Variants in DIDO1 observed in about 807,000 individuals in gnomAD.
The protein encoded by DIDO1 is death-inducer obliterator 1.
DIDO1 carries 16 observed loss-of-function variants against 99.4 expected under a neutral mutation model. That is an observed-to-expected ratio of 0.16 (90% CI 0.11 to 0.24). DIDO1 has a LOEUF of 0.24. Among genes scored for constraint, DIDO1 ranks in the 10% least tolerant of loss-of-function variants. DIDO1 has a pLI of 1.00. For synonymous variants in DIDO1, 1,366 were observed against 1,239.1 expected (o/e 1.10, Z -2.15); for missense variants, 2,996 against 3,014.0 (o/e 0.99, Z 0.14).
At chr20:62,883,506 C>T (rs564306966) in intron 15 of DIDO1, among the ~76,000 whole-genome samples, 5 of 151,636 alleles carry the variant, frequency 3.3e-5, no homozygotes, top group East Asian at 4.0e-4. Context: ...GTCTGGCCAA[C>T]GTGGTGAAAC....
chr20:62,891,946 C>T (rs377222379), intron 14 of DIDO1, 41 bp downstream of exon 14: 2 of 1,555,214 alleles, frequency 1.3e-6, no homozygotes, highest in African/African-American at 1.4e-5. Flanking sequence ...TAAATCAACA[C>T]AATTTTCCAT....
rs1600965532 is a variant in DIDO1 at position 62,901,154 on chromosome 20, AG to A, written c.1589-4159del. On this transcript the variant is annotated intron_variant, in intron 6 of 15. Coordinates refer to ENST00000395343, the MANE Select transcript of DIDO1 (RefSeq NM_001193369.2). The stretch of plus-strand genomic sequence containing the variant: ...GGGGAAACAGTTACTTCCCAAATAC[AG>A]CAGGCAGACTACATCGCAGACGCTC... Among the ~76,000 whole-genome samples the A allele has an allele frequency of 2.6e-5, 4 of 152,350 alleles. No individual in the cohort carries two copies. The East Asian group carries it at 7.7e-4, about 29-fold the overall frequency.
intron 1 of DIDO1, among the ~76,000 whole-genome samples, chr20:62,937,015 A>G (rs1257881932): frequency 1.3e-5 from 2 of 152,260 alleles, no homozygotes; most frequent in Non-Finnish European, 2.9e-5. Context: ...TTAACGGAAA[A>G]TGTCCAAAAT....
At chr20:62,926,825 A>C (rs2147597294), upstream of DIDO1, among the ~76,000 whole-genome samples, 1 of 152,384 alleles carries the variant, frequency 6.6e-6, no homozygotes, top group East Asian at 1.9e-4. Context: ...GCACTCCGCC[A>C]GGATTTCGCT....
At chr20:62,899,272 C>T (rs1465858810) in intron 6 of DIDO1, among the ~76,000 whole-genome samples, 1 of 152,228 alleles carries the variant, frequency 6.6e-6, no homozygotes, top group African/African-American at 2.4e-5. Flanking sequence ...AAAAAGCTGG[C>T]TGAAAGCATT....
In DIDO1 at chr20:62,894,742, G is replaced by A; in HGVS notation, c.2436+68C>T. The A allele has an allele frequency of 6.6e-7, 1 of 1,525,664 alleles. No homozygotes were observed. The highest frequency in any genetic ancestry group is 1.2e-5 in the South Asian group (1 of 85,228). The allele number at this position is 1,525,664 out of a possible 1,614,324, so 94.5% of individuals were successfully genotyped here. A position where few individuals can be genotyped will look rare whatever the true frequency, so the allele number is the denominator to read the frequency against. On this transcript the variant is annotated intron_variant, in intron 10 of 15. Coordinates refer to ENST00000395343, the MANE Select transcript of DIDO1 (RefSeq NM_001193369.2). The surrounding 1 kb of genome is among the most constrained non-coding windows in gnomAD (Gnocchi z 4.4). ...GCTCAGGTCCTGCCCAATAATTTAA[G>A]ATAACCTCAAAACATTTGGGATGGA...
At chr20:62,889,037 G>A (rs921999653) in intron 15 of DIDO1, 15 of 985,348 alleles carry the variant, frequency 1.5e-5, no homozygotes, top group South Asian at 1.4e-4. Context: ...GTGTGTCCCC[G>A]TCAGGCGGCG....
chr20:62,933,147 G>A (rs2065347871), intron 1 of DIDO1, among the ~76,000 whole-genome samples: 1 of 152,208 alleles, frequency 6.6e-6, no homozygotes, highest in Admixed American at 6.5e-5. Flanking sequence ...GTAGGCGGAG[G>A]TTGCAGTGAG....
At chr20:62,892,214 T>C in intron 13 of DIDO1, 138 bp from the exon 14 acceptor site, 1 of 728,676 alleles carries the variant, frequency 1.4e-6, no homozygotes, top group Non-Finnish European at 2.2e-6. Context: ...ACACTTGTAT[T>C]AAATGCATTA....
intron 15 of DIDO1, among the ~76,000 whole-genome samples, 175 bp from the exon 16 acceptor site, chr20:62,882,589 C>T (rs1027488001): frequency 2.0e-5 from 3 of 152,186 alleles, no homozygotes; most frequent in African/African-American, 7.2e-5. Flanking sequence ...GATTCCGCCC[C>T]AGGAACGCAC....
At chr20:62,902,539 C>T (rs2064706842) in intron 6 of DIDO1, among the ~76,000 whole-genome samples, 2 of 152,188 alleles carry the variant, frequency 1.3e-5, no homozygotes, top group Admixed American at 1.3e-4. Flanking sequence ...TCCTGCAAAA[C>T]ACTCTTAGGT....
chr20:62,891,190 A>C (rs369901992), intron 14 of DIDO1, 35 bp from the exon 15 acceptor site: 1 of 1,611,874 alleles, frequency 6.2e-7, no homozygotes, highest in African/African-American at 1.3e-5. Context: ...TCATAAAGAA[A>C]ATGTGGCTCA....
At chr20:62,906,129 TA>T (rs2064798895) in intron 5 of DIDO1, 29 bp from the exon 6 acceptor site, 5 of 1,589,008 alleles carry the variant, frequency 3.1e-6, no homozygotes, top group Non-Finnish European at 3.4e-6. Context: ...CCCAAATCAT[TA>T]AAAAGGTAAG....
At position 62,916,899 on chromosome 20, in the gene DIDO1, G is replaced by T. The variant is rs1292446834; in HGVS notation, c.-199-2493C>A. ...CTTCTCCCTTTCTTTCATGAAAACT[G>T]ACTGCTGTGTTCACTCTGAACACGT... On this transcript the variant is annotated intron_variant, in intron 1 of 15. Coordinates refer to ENST00000395343, the MANE Select transcript of DIDO1 (RefSeq NM_001193369.2). Among the ~76,000 whole-genome samples the T allele has an allele frequency of 2.6e-5, 4 of 152,220 alleles. No individual in the cohort carries two copies. The East Asian group carries it at 7.7e-4, about 29-fold the overall frequency.
intron 14 of DIDO1, 107 bp from the exon 15 acceptor site, chr20:62,891,262 TCACAGC>T: frequency 1.3e-6 from 2 of 1,517,188 alleles, no homozygotes; most frequent in Non-Finnish European, 1.8e-6. Flanking sequence ...TCTCTCCGAC[TCACAGC>T]CACGATCTCA....
At chr20:62,922,952 C>T (rs1439112592) in intron 1 of DIDO1, among the ~76,000 whole-genome samples, 1 of 152,112 alleles carries the variant, frequency 6.6e-6, no homozygotes. Context: ...TGAACACAAA[C>T]TAACAGACCA....
At chr20:62,903,864 G>A (rs1040763500) in intron 6 of DIDO1, among the ~76,000 whole-genome samples, 2 of 152,208 alleles carry the variant, frequency 1.3e-5, no homozygotes, top group Non-Finnish European at 2.9e-5. Flanking sequence ...AAGAAGGGAA[G>A]AGGGAGAAGA....
intron 2 of DIDO1, among the ~76,000 whole-genome samples, chr20:62,912,243 C>A (rs571638201): frequency 1.3e-5 from 2 of 152,280 alleles, no homozygotes; most frequent in South Asian, 4.1e-4. Flanking sequence ...TCCATACCAG[C>A]CCTGCTGCCA....
At position 62,880,638 on chromosome 20, in the gene DIDO1, C is replaced by T; in HGVS notation, c.5318G>A (p.Gly1773Glu). Residue 1773 changes from glycine (G) to glutamate (E), a missense_variant, in exon 16 of 16, where the codon GGA becomes GAA. Coordinates refer to ENST00000395343, the MANE Select transcript of DIDO1 (RefSeq NM_001193369.2). ...AAACGGAGGGGCTGGCCCCCTTGGTCCCGGGAAATTGGGGCCGTGAAGCCC... is the reference window on the plus strand; with the variant it reads ...AAACGGAGGGGCTGGCCCCCTTGGTTCCGGGAAATTGGGGCCGTGAAGCCC... The part of the protein sequence containing the change: ...MSGLHGPNFP[G>E]PRGPAPPFPE... 2.5e-6 allele frequency: 4 copies of T among 1,612,882 alleles called. No individual in the cohort carries two copies. The South Asian group carries it at 3.3e-5, about 13-fold the overall frequency.
Sources: gnomAD v4.1 joint callset for allele counts (sites outside exome capture counted in the v4.1 genomes callset) on GRCh38, gnomAD v4.1.1 for gene constraint, Gnocchi (gnomAD v3.1) non-coding constraint, MANE v1.5 for transcripts, NCBI Gene and HGNC (gene_info 2026-07-23, HGNC 2026-07-21) for gene names.